The following MSRA variants were observed in gnomAD, a reference collection of about 807,000 sequenced individuals.
MSRA encodes the protein methionine sulfoxide reductase A.
Under a neutral mutation model 31.3 loss-of-function variants are expected in MSRA, and 54 were observed. That is an observed-to-expected ratio of 1.73 (90% CI 1.39 to 2.17). MSRA has a LOEUF of 2.17. Ranked by LOEUF, MSRA falls within the 30% of genes most tolerant of loss-of-function variation. MSRA has a pLI of 0.00. For missense variants in MSRA, 507 were observed against 300.9 expected (o/e 1.69, Z -5.07); for synonymous variants, 169 against 116.5 (o/e 1.45, Z -2.90).
intron 5 of MSRA, among the ~76,000 whole-genome samples, chr8:10,406,403 G>A (rs1807821236): frequency 6.6e-6 from 1 of 152,250 alleles, no homozygotes; most frequent in Admixed American, 6.5e-5. Context: ...TTAGAGATGA[G>A]CAAATCCAAG....
At chr8:10,314,549 C>T (rs1324422598) in intron 4 of MSRA, among the ~76,000 whole-genome samples, 1 of 152,154 alleles carries the variant, frequency 6.6e-6, no homozygotes, top group East Asian at 1.9e-4. Flanking sequence ...CTTGTGCAGT[C>T]ATGTGGTTTT....
At chr8:10,168,783 A>C (rs769309220) in intron 1 of MSRA, among the ~76,000 whole-genome samples, 30 of 152,224 alleles carry the variant, frequency 2.0e-4, no homozygotes, top group Admixed American at 5.2e-4. Context: ...TTCCTTCCAC[A>C]CTCCCAAAAA....
At chr8:10,425,408 A>AG (rs1409835769) in intron 5 of MSRA, among the ~76,000 whole-genome samples, 2 of 152,296 alleles carry the variant, frequency 1.3e-5, no homozygotes, top group African/African-American at 4.8e-5. Flanking sequence ...GGGCTCCCCA[A>AG]GGGGGTCCCT....
chr8:10,132,996 G>T (rs1459882349), intron 1 of MSRA, among the ~76,000 whole-genome samples: 1 of 152,154 alleles, frequency 6.6e-6, no homozygotes, highest in Admixed American at 6.5e-5. Context: ...CACCATATGG[G>T]GTCCTGCCTT....
intron 3 of MSRA, among the ~76,000 whole-genome samples, chr8:10,249,066 C>T (rs1797780038): frequency 6.6e-6 from 1 of 152,114 alleles, no homozygotes; most frequent in Non-Finnish European, 1.5e-5. Flanking sequence ...AGGGGAGGTC[C>T]TGGCCACTCT....
At chr8:10,108,114 TG>T (rs1200725249) in intron 1 of MSRA, among the ~76,000 whole-genome samples, 7 of 152,204 alleles carry the variant, frequency 4.6e-5, no homozygotes, top group African/African-American at 1.7e-4. Flanking sequence ...CCCAGACTTC[TG>T]CAAGTGAGAG....
intron 4 of MSRA, among the ~76,000 whole-genome samples, chr8:10,304,923 C>A (rs879668873): frequency 1.3e-5 from 2 of 152,178 alleles, no homozygotes; most frequent in Non-Finnish European, 2.9e-5. Context: ...TAAAACTACT[C>A]GAGCAATGCT....
At chr8:10,239,686 G>A (rs1812242268) in intron 2 of MSRA, among the ~76,000 whole-genome samples, 1 of 152,200 alleles carries the variant, frequency 6.6e-6, no homozygotes, top group Admixed American at 6.5e-5. Context: ...CCAGATAAAA[G>A]TGTACTGTTT....
At position 10,067,020 on chromosome 8, in the gene MSRA, T is replaced by C. The variant is rs375306957; in HGVS notation, c.142+12362T>C. Among the ~76,000 whole-genome samples the C allele has an allele frequency of 1.4e-4, 22 of 152,320 alleles. No homozygotes were observed. In the East Asian group the frequency reaches 4.2e-3, roughly 29 times the overall value. On this transcript the variant is annotated intron_variant, in intron 1 of 5. Coordinates refer to ENST00000317173, the MANE Select transcript of MSRA (RefSeq NM_012331.5). ...TGAGCCAATATAGATACATTATTAT[T>C]AACTAAAGTCTGTAGTTTACATTAG... is the stretch of plus-strand genomic sequence containing the variant.
At chr8:10,340,534 A>G (rs915994343) in intron 5 of MSRA, among the ~76,000 whole-genome samples, 1 of 152,152 alleles carries the variant, frequency 6.6e-6, no homozygotes, top group Non-Finnish European at 1.5e-5. Flanking sequence ...CACCACGCCC[A>G]GCTAGTTTTT....
intron 1 of MSRA, among the ~76,000 whole-genome samples, chr8:10,180,587 G>C (rs1806452657): frequency 1.3e-5 from 2 of 152,168 alleles, no homozygotes; most frequent in South Asian, 2.1e-4. Context: ...ACTCAGGTAA[G>C]GTTGAAAGGG....
At chr8:10,356,173 T>G (rs1327527594) in intron 5 of MSRA, among the ~76,000 whole-genome samples, 5 of 152,210 alleles carry the variant, frequency 3.3e-5, no homozygotes, top group Non-Finnish European at 7.4e-5. Flanking sequence ...GCCTTCTTTC[T>G]TGTCTTTTCT....
chr8:10,267,366 G>T (rs182944684), intron 3 of MSRA, among the ~76,000 whole-genome samples: 2 of 152,318 alleles, frequency 1.3e-5, no homozygotes, highest in East Asian at 3.9e-4. Flanking sequence ...AGAGCAACTC[G>T]TGGAGGGAAG....
intron 1 of MSRA, among the ~76,000 whole-genome samples, chr8:10,165,072 T>C (rs1354695765): frequency 6.6e-6 from 1 of 152,208 alleles, no homozygotes; most frequent in East Asian, 1.9e-4. Flanking sequence ...ACCAATTAAA[T>C]CAGACTCTTG....
chr8:10,255,188 C>G (rs1446520920), intron 3 of MSRA, among the ~76,000 whole-genome samples: 1 of 152,192 alleles, frequency 6.6e-6, no homozygotes, highest in Non-Finnish European at 1.5e-5. Flanking sequence ...GGCTGAAACA[C>G]GCAGTAAAAT....
At chr8:10,206,695 C>G (rs1208527131) in intron 1 of MSRA, among the ~76,000 whole-genome samples, 1 of 152,246 alleles carries the variant, frequency 6.6e-6, no homozygotes, top group African/African-American at 2.4e-5. Context: ...CCTTCGGACT[C>G]CAGGAGTGGC....
In MSRA at chr8:10,306,567, G is replaced by A. The variant is rs571494987; in HGVS notation, c.436+4929G>A. Among the ~76,000 whole-genome samples the A allele has an allele frequency of 4.5e-4, 68 of 152,032 alleles. 1 individual carries two copies. In the South Asian group the frequency reaches 0.013, roughly 29 times the overall value. On this transcript the variant is annotated intron_variant, in intron 4 of 5. Coordinates refer to ENST00000317173, the MANE Select transcript of MSRA (RefSeq NM_012331.5). ...TGTTTATGTTGTCTTCTGGGACCTT[G>A]CTGGTGCTGACAGTGGTGATGAGGC...
intron 1 of MSRA, among the ~76,000 whole-genome samples, chr8:10,089,625 T>C (rs537102501): frequency 6.6e-6 from 1 of 152,340 alleles, no homozygotes; most frequent in East Asian, 1.9e-4. Flanking sequence ...CTGGATAATT[T>C]ATACAGAAAA....
chr8:10,200,562 G>C (rs957302298), intron 1 of MSRA, among the ~76,000 whole-genome samples: 1 of 152,170 alleles, frequency 6.6e-6, no homozygotes, highest in African/African-American at 2.4e-5. Context: ...TTCCAGGTCA[G>C]GGAGGAGCAC....
Sources: allele counts gnomAD v4.1 joint callset (sites outside exome capture counted in the v4.1 genomes callset), GRCh38; gene constraint gnomAD v4.1.1; transcripts MANE v1.5; gene names NCBI Gene and HGNC (gene_info 2026-07-23, HGNC 2026-07-21).